The following CD276 variants were observed in gnomAD, a reference collection of about 807,000 sequenced individuals.
The protein encoded by CD276 is CD276 antigen.
Under a neutral mutation model 50.0 loss-of-function variants are expected in CD276, and 34 were observed. That is an observed-to-expected ratio of 0.68 (90% CI 0.52 to 0.91). CD276 has a LOEUF of 0.91. Among genes scored for constraint, CD276 ranks in the 40% least tolerant of loss-of-function variants. The pLI, the probability that CD276 is intolerant of heterozygous loss-of-function variation, is 0.00. For missense variants in CD276, 634 were observed against 717.5 expected, an observed-to-expected ratio of 0.88 and a Z score of 1.33; for synonymous variants, 275 against 313.0, an observed-to-expected ratio of 0.88 and a Z score of 1.28.
chr15:73,699,607 G>C lies in CD276; in HGVS notation c.-33G>C, dbSNP rs201009986. 7 of 1,610,388 alleles carry C rather than the reference G, an allele frequency of 4.3e-6. No individual in the cohort carries two copies. The highest frequency in any genetic ancestry group is 5.9e-6 in the Non-Finnish European group (7 of 1,178,842). On this transcript the variant is annotated 5_prime_UTR_variant, in exon 2 of 10. Transcript: ENST00000318443. ...CCAGGCAGGGGCAGCCTTCCACCAC[G>C]GGGAGCCCAGCTGTCAGCCGCCTCA...
rs770037818 is a variant in CD276 at position 73,702,972 on chromosome 15, A to G, written c.619A>G (p.Ile207Val). Reference protein sequence around the residue: ...NEQGLFDVHSILRVVLGANGT... With the variant: ...NEQGLFDVHSVLRVVLGANGT... ...GCAGGGCTTGTTTGATGTGCACAGC[A>G]TCCTGCGGGTGGTGCTGGGTGCAAA... Residue 207 changes from isoleucine (I) to valine (V), a missense_variant, in exon 4 of 10, where the codon ATC becomes GTC. By Grantham distance (29) the Ile-to-Val change is conservative (BLOSUM62 3). Coordinates refer to ENST00000318443, the MANE Select transcript of CD276 (RefSeq NM_001024736.2). The G allele has an allele frequency of 1.1e-4, 184 of 1,614,136 alleles. No homozygotes were observed. In the East Asian group the frequency reaches 2.5e-3, roughly 22 times the overall value.
chr15:73,703,890 A>G lies in CD276; in HGVS notation c.965A>G (p.Asn322Ser), dbSNP rs1186699933. The change falls in exon 5 of 10, where the codon AAT becomes AGT. Residue 322 changes from asparagine to serine, a missense_variant. Coordinates refer to ENST00000318443, the MANE Select transcript of CD276 (RefSeq NM_001024736.2). ...TTCCCGGACCTGCTGGCACAAGGCA[A>G]TGCATCCCTGAGGCTGCAGCGCGTG... ...ALFPDLLAQGNASLRLQRVRV... is the reference protein window; with the variant it reads ...ALFPDLLAQGSASLRLQRVRV... 1.1e-5 allele frequency: 18 copies of G among 1,613,620 alleles called. No individual in the cohort carries two copies. Among genetic ancestry groups the G allele is most frequent in the Non-Finnish European group, 1.4e-5 (17 of 1,180,004 alleles).
intron 8 of CD276, 24 bp downstream of exon 8, chr15:73,709,713 C>T (rs906074232): frequency 6.2e-7 from 1 of 1,606,918 alleles, no homozygotes; most frequent in South Asian, 1.1e-5. Flanking sequence ...TGGAGCTGGC[C>T]CTCTTGGCTG....
intron 1 of CD276, among the ~76,000 whole-genome samples, chr15:73,694,859 G>C (rs1384780901): frequency 6.6e-6 from 1 of 152,182 alleles, no homozygotes; most frequent in East Asian, 1.9e-4. Context: ...GGGAGAGCTG[G>C]GTGTGCTGGC....
At position 73,703,843 on chromosome 15, in the gene CD276, C is replaced by G. The variant is rs1407504128; in HGVS notation, c.918C>G (p.Ala306=). Residue 306 remains alanine (A), a synonymous_variant, in exon 5 of 10, where the codon GCC becomes GCG. Coordinates refer to ENST00000318443, the MANE Select transcript of CD276 (RefSeq NM_001024736.2). ...SFTEGRDQGS[A]YANRTALFPD... is the part of the protein sequence containing the mutation. ...CCGAAGGCCGGGACCAGGGCAGCGC[C>G]TATGCCAACCGCACGGCCCTCTTCC... The G allele has an allele frequency of 6.2e-7, 1 of 1,613,628 alleles. No homozygotes were observed.
chr15:73,699,321 T>A (rs534888185), intron 1 of CD276, among the ~76,000 whole-genome samples: 4 of 152,252 alleles, frequency 2.6e-5, no homozygotes, highest in Non-Finnish European at 4.4e-5. Context: ...TGCCTCCTCT[T>A]CCTTATATTT....
intron 1 of CD276, among the ~76,000 whole-genome samples, chr15:73,689,228 G>T (rs1306040897): frequency 6.9e-6 from 1 of 145,202 alleles, no homozygotes; most frequent in Non-Finnish European, 1.5e-5. Context: ...GTGTGTGTGT[G>T]TACACATTTC....
At chr15:73,708,505 T>C (rs769645020) in intron 7 of CD276, 32 bp downstream of exon 7, 5 of 1,596,252 alleles carry the variant, frequency 3.1e-6, no homozygotes, top group Non-Finnish European at 4.3e-6. Flanking sequence ...TGCGTGCGCA[T>C]GCACACTTAT....
rs982706926 is a variant in CD276, at chr15:73,713,202, A to G, written c.*246A>G. 1 of 491,268 alleles carries G rather than the reference A, an allele frequency of 2.0e-6. No homozygotes were observed. The highest frequency in any genetic ancestry group is 2.0e-5 in the African/African-American group (1 of 50,870). The allele number at this position is 491,268 out of a possible 1,614,324, so 30.4% of individuals were successfully genotyped here. ...AGACCACCCACAACCTTAGTTCTCT[A>G]AGTCATCCTGCCTGCTGCCTTATTT... On this transcript the variant is annotated 3_prime_UTR_variant, in exon 10 of 10. Coordinates refer to ENST00000318443, the MANE Select transcript of CD276 (RefSeq NM_001024736.2).
chr15:73,690,288 TA>T (rs1314034611), intron 1 of CD276, among the ~76,000 whole-genome samples: 3 of 152,228 alleles, frequency 2.0e-5, no homozygotes, highest in African/African-American at 7.2e-5. Context: ...GAGGTTCTCA[TA>T]TATCATGAAG....
intron 1 of CD276, among the ~76,000 whole-genome samples, chr15:73,685,340 G>C (rs111331899): frequency 6.6e-6 from 1 of 152,122 alleles, no homozygotes; most frequent in South Asian, 2.1e-4. Flanking sequence ...GCCTAAGGCA[G>C]GGGATTTATT....
At chr15:73,712,817 C>A in intron 9 of CD276, 117 bp from the exon 10 acceptor site, 1 of 1,044,720 alleles carries the variant, frequency 9.6e-7, no homozygotes, top group Non-Finnish European at 1.4e-6. Flanking sequence ...GTCTCACACA[C>A]ACTCCCCACT....
chr15:73,699,894 C>T (rs140980019), intron 2 of CD276, among the ~76,000 whole-genome samples, 176 bp downstream of exon 2: 2,005 of 152,302 alleles, frequency 0.013, 31 homozygotes, highest in Middle Eastern at 0.031. Flanking sequence ...GCCTCCATTT[C>T]CTTGTCTGTA....
At chr15:73,689,570 A>AGC (rs1899910943) in intron 1 of CD276, among the ~76,000 whole-genome samples, 1 of 152,140 alleles carries the variant, frequency 6.6e-6, no homozygotes, top group Admixed American at 6.5e-5. Flanking sequence ...ACCTAGTATT[A>AGC]ACTAGGTCAG....
rs766351492 is a variant in CD276 at position 73,708,360 on chromosome 15, C to A, written c.1391C>A (p.Pro464Gln). ...TITGQPMTFPPEALWVTVGLS... is the reference protein window; with the variant it reads ...TITGQPMTFPQEALWVTVGLS... ...TCAGGGCAGCCTATGACATTCCCCC[C>A]AGAGGCCCTGTGGGTGACCGTGGGG... is the stretch of plus-strand genomic sequence containing the variant. The change falls in exon 7 of 10, where the codon CCA (proline) becomes CAA (glutamine). Residue 464 changes from proline to glutamine, a missense_variant. Pro to Gln is a moderately conservative substitution (Grantham distance 76). Coordinates refer to ENST00000318443, the MANE Select transcript of CD276 (RefSeq NM_001024736.2). 1.2e-6 allele frequency: 2 copies of A among 1,614,068 alleles called. No individual in the cohort carries two copies. Among genetic ancestry groups the A allele is most frequent in the African/African-American group, 2.7e-5 (2 of 74,924 alleles).
intron 1 of CD276, among the ~76,000 whole-genome samples, chr15:73,691,734 T>G (rs1466309977): frequency 6.6e-6 from 1 of 152,212 alleles, no homozygotes; most frequent in Non-Finnish European, 1.5e-5. Flanking sequence ...ATAACTGTGT[T>G]AAGACTAGCT....
chr15:73,700,576 A>C lies in CD276; in HGVS notation c.79+858A>C, dbSNP rs569548914. ...CAAGGGGCACCCTGGTTCGACTGAC[A>C]GGGCATGAGAACTGGCCTGGGGCAC... On this transcript the variant is annotated intron_variant, in intron 2 of 9. Transcript: ENST00000318443. Among the ~76,000 whole-genome samples, 249 of 152,334 alleles carry C rather than the reference A, an allele frequency of 1.6e-3. 1 individual carries two copies. The highest frequency in any genetic ancestry group is 5.7e-3 in the African/African-American group (235 of 41,574).
intron 6 of CD276, among the ~76,000 whole-genome samples, 178 bp from the exon 7 acceptor site, chr15:73,708,161 T>C (rs1353207850): frequency 1.3e-5 from 2 of 152,178 alleles, no homozygotes; most frequent in Non-Finnish European, 2.9e-5. Context: ...CAGCCAGGGT[T>C]GTATCAGGGT....
At chr15:73,711,050 C>A in intron 8 of CD276, 85 bp from the exon 9 acceptor site, 1 of 1,385,872 alleles carries the variant, frequency 7.2e-7, no homozygotes, top group Non-Finnish European at 1.0e-6. Flanking sequence ...CCCCTTCCAG[C>A]CCTCACTCCT....
Sources: allele counts gnomAD v4.1 joint callset (sites outside exome capture counted in the v4.1 genomes callset), GRCh38; gene constraint gnomAD v4.1.1; transcripts MANE v1.5; gene names NCBI Gene and HGNC (gene_info 2026-07-23, HGNC 2026-07-21).